TIAM2: variants seen among roughly 807,000 people sequenced by gnomAD.
The protein encoded by TIAM2 is rho guanine nucleotide exchange factor TIAM2.
Under a neutral mutation model 152.9 loss-of-function variants are expected in TIAM2, and 80 were observed. That is an observed-to-expected ratio of 0.52 (90% CI 0.44 to 0.63). TIAM2 has a LOEUF of 0.63. Ranked by LOEUF, TIAM2 falls within the 30% of genes least tolerant of loss-of-function variation. The pLI is 0.00. For missense variants in TIAM2, 1,965 were observed against 2,120.1 expected (o/e 0.93, Z 1.44); for synonymous variants, 804 against 838.0 (o/e 0.96, Z 0.70).
chr6:155,126,255 A>G (rs1158170637), intron 2 of TIAM2, among the ~76,000 whole-genome samples: 2 of 152,242 alleles, frequency 1.3e-5, no homozygotes, highest in Non-Finnish European at 2.9e-5. Flanking sequence ...TATATGCGGT[A>G]TCTAGAGTCC....
chr6:155,048,252 C>G (rs574540336), intron 1 of TIAM2, among the ~76,000 whole-genome samples: 4 of 152,124 alleles, frequency 2.6e-5, no homozygotes, highest in Non-Finnish European at 5.9e-5. Flanking sequence ...TGTTCCTGCC[C>G]TATTTTTTTT....
At chr6:155,256,240 T>C (rs9702) in intron 26 of TIAM2, 392,282 of 606,222 alleles carry the variant, frequency 0.65, 130,468 homozygotes, top group East Asian at 0.98. Context: ...CTAGTTCTAT[T>C]TACATAATTG....
At chr6:155,056,014 A>G (rs1332805149) in intron 1 of TIAM2, among the ~76,000 whole-genome samples, 1 of 152,084 alleles carries the variant, frequency 6.6e-6, no homozygotes, top group Non-Finnish European at 1.5e-5. Context: ...GGCCAGAAAA[A>G]TCTATTCAGA....
At chr6:155,152,725 T>C (rs1201414144) in intron 7 of TIAM2, among the ~76,000 whole-genome samples, 1 of 151,878 alleles carries the variant, frequency 6.6e-6, no homozygotes, top group Non-Finnish European at 1.5e-5. Context: ...AGTTTTCAGG[T>C]CTTTGGGTAG....
rs565687069 is a variant in TIAM2, at chr6:155,034,375, C to T, written c.-209+38883C>T. Among the ~76,000 whole-genome samples the T allele has an allele frequency of 3.3e-5, 5 of 152,200 alleles. 1 individual carries two copies. Among genetic ancestry groups the T allele is most frequent in the African/African-American group, 1.2e-4 (5 of 41,520 alleles). ...AAGCAATTCTCCTGCCTCAGCCTCCCAAGTAGCTGGGATTGATTATAGCCA... is the reference window on the plus strand; with the variant it reads ...AAGCAATTCTCCTGCCTCAGCCTCCTAAGTAGCTGGGATTGATTATAGCCA... On this transcript the variant is annotated intron_variant, in intron 1 of 26. Coordinates refer to ENST00000682666, the MANE Select transcript of TIAM2 (RefSeq NM_012454.4).
rs1784095271 is a variant in TIAM2 at position 155,257,035 on chromosome 6, C to A, written c.5020C>A (p.Leu1674Ile). ...TGCCACCATCGACCTAAATTCTGTT[C>A]TAGAGCGAGAATTCAGTGTCCAGAG... is the stretch of plus-strand genomic sequence containing the variant. ...ENATIDLNSV[L>I]EREFSVQSLT... Residue 1674 changes from leucine to isoleucine, a missense_variant, in exon 27 of 27, where the codon CTA (leucine) becomes ATA (isoleucine). Leu to Ile is a conservative substitution (Grantham distance 5, BLOSUM62 2). Transcript: ENST00000682666. 1 of 1,614,156 alleles carries A rather than the reference C, an allele frequency of 6.2e-7. No homozygotes were observed. The highest frequency in any genetic ancestry group is 8.5e-7 in the Non-Finnish European group (1 of 1,180,038).
At chr6:155,139,269 C>T (rs1779633226) in intron 5 of TIAM2, among the ~76,000 whole-genome samples, 1 of 152,224 alleles carries the variant, frequency 6.6e-6, no homozygotes, top group Non-Finnish European at 1.5e-5. Flanking sequence ...CCTTCGTTAC[C>T]ACAAGCCCCT....
chr6:155,089,573 T>G (rs1778252965), intron 1 of TIAM2, among the ~76,000 whole-genome samples: 2 of 152,180 alleles, frequency 1.3e-5, no homozygotes, highest in South Asian at 4.1e-4. Flanking sequence ...TGCTCCAGAA[T>G]CCGTAACAAT....
chr6:155,038,503 C>T lies in TIAM2; in HGVS notation c.-209+43011C>T, dbSNP rs552184931. On this transcript the variant is annotated intron_variant, in intron 1 of 26. Coordinates refer to ENST00000682666, the MANE Select transcript of TIAM2 (RefSeq NM_012454.4). ...AAGGTGCTGCGCCAAGCACTGTGTG[C>T]GTGCTCCCTTTGCTTTCGGTCTCTG... is the stretch of plus-strand genomic sequence containing the variant. Among the ~76,000 whole-genome samples, 17 of 152,340 alleles carry T rather than the reference C, an allele frequency of 1.1e-4. 1 individual carries two copies. Among genetic ancestry groups the T allele is most frequent in the African/African-American group, 2.9e-4 (12 of 41,574 alleles).
rs564934265 is a variant in TIAM2, at chr6:155,074,407, G to C, written c.-208-15882G>C. Among the ~76,000 whole-genome samples the C allele has an allele frequency of 9.2e-5, 14 of 152,118 alleles. No homozygotes were observed. In the South Asian group the frequency reaches 1.9e-3, roughly 20 times the overall value. ...TCGCTCAGTCGCCCAGGCTGGAATG[G>C]CATGATCTTGGCTCACTGCAACCTC... On this transcript the variant is annotated intron_variant, in intron 1 of 26. Transcript: ENST00000682666.
At chr6:155,096,749 A>G (rs113607894) in intron 2 of TIAM2, among the ~76,000 whole-genome samples, 3,577 of 152,222 alleles carry the variant, frequency 0.023, 160 homozygotes, top group African/African-American at 0.082. Context: ...TGACCCATTC[A>G]TCTCTTGATG....
At chr6:155,062,091 C>G (rs928946187) in intron 1 of TIAM2, among the ~76,000 whole-genome samples, 1 of 148,900 alleles carries the variant, frequency 6.7e-6, no homozygotes, top group Non-Finnish European at 1.5e-5. Flanking sequence ...TCTCGCCCCC[C>G]CACCGCCCCC....
intron 1 of TIAM2, among the ~76,000 whole-genome samples, chr6:155,063,200 A>T (rs1455496790): frequency 6.6e-6 from 1 of 152,132 alleles, no homozygotes; most frequent in Non-Finnish European, 1.5e-5. Context: ...GTGAGTCAAG[A>T]CTTAGAAATG....
chr6:155,130,179 C>A lies in TIAM2; in HGVS notation c.956C>A (p.Ser319Tyr). The part of the protein sequence containing the change: ...GSLSPSGIRL[S>Y]DEYMGTHASL... ...CTCTCCCCCTCAGGTATCCGCCTTT[C>A]TGATGAATACATGGGCACGCATGCC... The change falls in exon 4 of 27, where the codon TCT becomes TAT. Residue 319 changes from serine to tyrosine, a missense_variant. Physicochemically the swap from Ser to Tyr is moderately radical, Grantham distance 144 (BLOSUM62 -2). This residue lies in a region of TIAM2 where 1,025 missense variants were observed against 1,119.4 expected (regional missense o/e 0.92). Coordinates refer to ENST00000682666, the MANE Select transcript of TIAM2 (RefSeq NM_012454.4). The A allele has an allele frequency of 6.2e-6, 10 of 1,614,180 alleles. No homozygotes were observed. The highest frequency in any genetic ancestry group is 8.5e-6 in the Non-Finnish European group (10 of 1,180,036).
At chr6:155,176,110 CTG>C (rs1780752554) in intron 9 of TIAM2, among the ~76,000 whole-genome samples, 1 of 152,174 alleles carries the variant, frequency 6.6e-6, no homozygotes, top group Non-Finnish European at 1.5e-5. Context: ...CAAGGTGTGT[CTG>C]GAATTCAGTG....
intron 7 of TIAM2, among the ~76,000 whole-genome samples, chr6:155,151,328 C>T (rs1295516260): frequency 6.6e-6 from 1 of 152,234 alleles, no homozygotes. Context: ...ATTGGAATAT[C>T]CCAATGCAGT....
At chr6:155,247,874 G>A (rs1018653963) in intron 19 of TIAM2, 126 bp from the exon 20 acceptor site, 1 of 1,248,226 alleles carries the variant, frequency 8.0e-7, no homozygotes, top group African/African-American at 1.5e-5. Context: ...ATGTGTTGGG[G>A]TTTTCATTAA....
In TIAM2 at chr6:155,218,781, C is replaced by T. The variant is rs1271206566; in HGVS notation, c.3168+7474C>T. Among the ~76,000 whole-genome samples, 2 of 152,140 alleles carry T rather than the reference C, an allele frequency of 1.3e-5. No homozygotes were observed. The highest frequency in any genetic ancestry group is 2.4e-5 in the African/African-American group (1 of 41,434). On this transcript the variant is annotated intron_variant, in intron 15 of 26. Coordinates refer to ENST00000682666, the MANE Select transcript of TIAM2 (RefSeq NM_012454.4). The surrounding 1 kb of genome is among the most constrained non-coding windows in gnomAD (Gnocchi z 4.5). ...CAATAAAATGCTGTTGAAAGTAAGA[C>T]GTGCATGCTTTGACCATCTCAGCTG...
At chr6:155,080,831 T>C (rs934687602) in intron 1 of TIAM2, among the ~76,000 whole-genome samples, 3 of 152,150 alleles carry the variant, frequency 2.0e-5, no homozygotes, top group African/African-American at 7.2e-5. Context: ...TTGGAAATAA[T>C]GCTTCCCATC....
Sources: gnomAD v4.1 joint callset for allele counts (sites outside exome capture counted in the v4.1 genomes callset) on GRCh38, gnomAD v4.1.1 for gene constraint, gnomAD v4.1.1 regional missense constraint, Gnocchi (gnomAD v3.1) non-coding constraint, MANE v1.5 for transcripts, NCBI Gene and HGNC (gene_info 2026-07-23, HGNC 2026-07-21) for gene names.